The following PAPPA variants were observed in gnomAD, a reference collection of about 807,000 sequenced individuals.
The protein encoded by PAPPA is pappalysin 1.
In PAPPA, 60 loss-of-function variants were observed where a neutral mutation model predicts 164.0. The ratio of observed to expected loss-of-function variants is 0.37; its 90% CI spans 0.30 to 0.45. The LOEUF is 0.45. Ranked by LOEUF, PAPPA falls within the 20% of genes least tolerant of loss-of-function variation. The pLI is 1.00. For synonymous variants in PAPPA, 875 were observed against 814.1 expected (o/e 1.07, Z -1.27); for missense variants, 1,782 against 2,087.3 (o/e 0.85, Z 2.85).
chr9:116,308,854 A>G (rs1845679915), intron 10 of PAPPA, among the ~76,000 whole-genome samples: 1 of 152,222 alleles, frequency 6.6e-6, no homozygotes, highest in Admixed American at 6.5e-5. Flanking sequence ...AGAGAGACAC[A>G]TAAGTGTTGT....
intron 7 of PAPPA, among the ~76,000 whole-genome samples, chr9:116,251,214 A>G (rs1423824701): frequency 9.2e-5 from 14 of 152,200 alleles, no homozygotes. Context: ...TGATGAGTTA[A>G]GTGTAAATGA....
chr9:116,338,659 A>G (rs1846095306), intron 13 of PAPPA, among the ~76,000 whole-genome samples: 1 of 152,214 alleles, frequency 6.6e-6, no homozygotes, highest in South Asian at 2.1e-4. Flanking sequence ...CTCTCAGCAC[A>G]TTGATTGGGA....
intron 9 of PAPPA, among the ~76,000 whole-genome samples, chr9:116,301,741 G>A (rs1284188187): frequency 1.3e-5 from 2 of 152,106 alleles, no homozygotes; most frequent in Non-Finnish European, 2.9e-5. Context: ...AATTCACTTG[G>A]TCTTTAACTA....
At chr9:116,353,987 G>C (rs572193579) in intron 17 of PAPPA, among the ~76,000 whole-genome samples, 194 bp downstream of exon 17, 3 of 152,046 alleles carry the variant, frequency 2.0e-5, no homozygotes, top group Non-Finnish European at 4.4e-5. Flanking sequence ...GAACTTTTAT[G>C]AAGGAAATCA....
chr9:116,204,510 G>A (rs2118668698), intron 2 of PAPPA, among the ~76,000 whole-genome samples: 1 of 152,204 alleles, frequency 6.6e-6, no homozygotes, highest in Non-Finnish European at 1.5e-5. Flanking sequence ...GAACTCCTGG[G>A]CCCAAGCAAT....
chr9:116,170,829 GA>G, intron 1 of PAPPA, among the ~76,000 whole-genome samples: 1 of 151,908 alleles, frequency 6.6e-6, no homozygotes, highest in East Asian at 1.9e-4. Flanking sequence ...GCTAGGACTG[GA>G]GGAAGAGTTA....
chr9:116,206,355 G>A (rs969817341), intron 2 of PAPPA, among the ~76,000 whole-genome samples: 113 of 152,260 alleles, frequency 7.4e-4, no homozygotes, highest in African/African-American at 2.7e-3. Context: ...GATCTCAGAC[G>A]TATCCTATTC....
chr9:116,254,645 G>A (rs1844901499), intron 7 of PAPPA, among the ~76,000 whole-genome samples: 1 of 151,932 alleles, frequency 6.6e-6, no homozygotes, highest in Admixed American at 6.6e-5. Flanking sequence ...AGCCGGGCGT[G>A]GTGGTGGGCG....
chr9:116,383,851 A>C (rs1156717708), intron 21 of PAPPA, among the ~76,000 whole-genome samples: 1 of 152,224 alleles, frequency 6.6e-6, no homozygotes, highest in African/African-American at 2.4e-5. Flanking sequence ...GCTTAAGTAG[A>C]GAAAAATAAA....
intron 7 of PAPPA, among the ~76,000 whole-genome samples, chr9:116,241,588 G>A (rs1292446735): frequency 2.6e-5 from 4 of 152,090 alleles, no homozygotes; most frequent in Non-Finnish European, 4.4e-5. Context: ...CCTTCACCTG[G>A]TTCATATTCT....
At chr9:116,313,937 A>T (rs1029098856) in intron 10 of PAPPA, among the ~76,000 whole-genome samples, 5 of 152,078 alleles carry the variant, frequency 3.3e-5, no homozygotes, top group African/African-American at 1.2e-4. Flanking sequence ...TCATCTGTAA[A>T]ATTAAATAAT....
In PAPPA at chr9:116,185,354, C is replaced by T. The variant is rs78467400; in HGVS notation, c.416-1800C>T. On this transcript the variant is annotated intron_variant, in intron 1 of 21. Transcript: ENST00000328252. ...GATTGGCATAGATGCTGGTCCAAGA[C>T]TGCTGGCCATGTCAGCTGCTGACAA... Among the ~76,000 whole-genome samples the T allele has an allele frequency of 2.7e-3, 401 of 149,874 alleles. 2 individuals carry two copies. Among genetic ancestry groups the T allele is most frequent in the African/African-American group, 9.4e-3 (383 of 40,660 alleles).
At chr9:116,160,687 G>A (rs997917904) in intron 1 of PAPPA, among the ~76,000 whole-genome samples, 1 of 152,054 alleles carries the variant, frequency 6.6e-6, no homozygotes, top group Non-Finnish European at 1.5e-5. Context: ...ATTTCTCTCC[G>A]CACCAGCTGC....
At chr9:116,262,307 T>A (rs1266186357) in intron 7 of PAPPA, among the ~76,000 whole-genome samples, 2 of 152,196 alleles carry the variant, frequency 1.3e-5, no homozygotes, top group East Asian at 3.9e-4. Flanking sequence ...AATATTCAGA[T>A]GCAGACTTTA....
At chr9:116,173,277 G>C (rs1255630519) in intron 1 of PAPPA, among the ~76,000 whole-genome samples, 5 of 152,156 alleles carry the variant, frequency 3.3e-5, no homozygotes, top group Non-Finnish European at 7.3e-5. Context: ...TAGAAATTTA[G>C]TAGTGTATCA....
intron 10 of PAPPA, among the ~76,000 whole-genome samples, chr9:116,305,500 C>T (rs1690612519): frequency 6.6e-6 from 1 of 151,972 alleles, no homozygotes; most frequent in Admixed American, 6.6e-5. Flanking sequence ...CATACATACA[C>T]AAATTTACAC....
chr9:116,179,540 TC>T (rs1378606742), intron 1 of PAPPA, among the ~76,000 whole-genome samples: 1 of 152,144 alleles, frequency 6.6e-6, no homozygotes, highest in Non-Finnish European at 1.5e-5. Flanking sequence ...CCTTTAAGCC[TC>T]CTCCTTCCAC....
At position 116,219,926 on chromosome 9, in the gene PAPPA, C is replaced by T. The variant is rs372223734; in HGVS notation, c.1919-11C>T. 3.7e-5 allele frequency: 59 copies of T among 1,598,950 alleles called. No individual in the cohort carries two copies. Among genetic ancestry groups the T allele is most frequent in the Middle Eastern group, 1.7e-4 (1 of 6,018 alleles). On this transcript the variant is annotated splice_polypyrimidine_tract_variant and intron_variant, in intron 4 of 21. Transcript: ENST00000328252. ...GGCTTGGTGCTTATCTCTCCCTCTG[C>T]CTGCTTGCAGATGACGACTGTACGG... is the stretch of plus-strand genomic sequence containing the variant.
At chr9:116,289,368 G>GGCGTATATATGGCATATATATA (rs1845404371) in intron 9 of PAPPA, among the ~76,000 whole-genome samples, 2 of 99,802 alleles carry the variant, frequency 2.0e-5, no homozygotes, top group African/African-American at 7.7e-5. Flanking sequence ...GCATATATAT[G>GGCGTATATATGGCATATATATA]GCATATATAT....
Sources: gnomAD v4.1 joint callset for allele counts (sites outside exome capture counted in the v4.1 genomes callset) on GRCh38, gnomAD v4.1.1 for gene constraint, MANE v1.5 for transcripts, NCBI Gene and HGNC (gene_info 2026-07-23, HGNC 2026-07-21) for gene names.